The following KCNQ3 variants were observed in gnomAD, a reference collection of about 807,000 sequenced individuals.
KCNQ3 encodes potassium voltage-gated channel subfamily Q member 3.
In KCNQ3, 30 loss-of-function variants were observed where a neutral mutation model predicts 92.5. The ratio of observed to expected loss-of-function variants is 0.32; its 90% CI spans 0.24 to 0.44. The LOEUF is 0.44. Ranked by LOEUF, KCNQ3 falls within the 20% of genes least tolerant of loss-of-function variation. The probability of loss-of-function intolerance (pLI) is 1.00; values close to 1 mark genes in which losing one functional copy is unlikely to be tolerated. For synonymous variants in KCNQ3, 450 were observed against 468.8 expected, an observed-to-expected ratio of 0.96 and a Z score of 0.52; for missense variants, 913 against 1,140.3, an observed-to-expected ratio of 0.80 and a Z score of 2.87.
intron 1 of KCNQ3, among the ~76,000 whole-genome samples, chr8:132,255,731 G>A (rs1249208554): frequency 6.6e-6 from 1 of 152,156 alleles, no homozygotes; most frequent in Non-Finnish European, 1.5e-5. Flanking sequence ...AGGAATTTAA[G>A]ACAATTCCTG....
chr8:132,437,153 C>T (rs565835796), intron 1 of KCNQ3, among the ~76,000 whole-genome samples: 289 of 151,842 alleles, frequency 1.9e-3, no homozygotes, highest in Non-Finnish European at 3.1e-3. Context: ...GTGGCGGGCA[C>T]CTGTAGTCCC....
At chr8:132,262,400 A>C (rs1040540493) in intron 1 of KCNQ3, among the ~76,000 whole-genome samples, 1 of 152,334 alleles carries the variant, frequency 6.6e-6, no homozygotes, top group East Asian at 1.9e-4. Flanking sequence ...ATCTCAATAA[A>C]GATGTAAAAA....
At chr8:132,155,831 G>A (rs2130038908) in intron 9 of KCNQ3, among the ~76,000 whole-genome samples, 1 of 152,264 alleles carries the variant, frequency 6.6e-6, no homozygotes, top group South Asian at 2.1e-4. Context: ...CTGGGGAAGG[G>A]GAAGGACAGA....
intron 1 of KCNQ3, among the ~76,000 whole-genome samples, chr8:132,293,095 C>T (rs1000151681): frequency 6.6e-6 from 1 of 152,164 alleles, no homozygotes; most frequent in Non-Finnish European, 1.5e-5. Context: ...GGCGGTGCAT[C>T]CAGGGAGGGC....
chr8:132,316,860 T>C (rs1053734996), intron 1 of KCNQ3, among the ~76,000 whole-genome samples: 1 of 152,220 alleles, frequency 6.6e-6, no homozygotes, highest in African/African-American at 2.4e-5. Flanking sequence ...CACTTTTGGT[T>C]TTCAGCATGT....
At chr8:132,170,887 C>G (rs1294501089) in intron 7 of KCNQ3, among the ~76,000 whole-genome samples, 1 of 150,656 alleles carries the variant, frequency 6.6e-6, no homozygotes, top group Non-Finnish European at 1.5e-5. Context: ...GGCTTGGTGG[C>G]ACGTGCCTGT....
At chr8:132,312,954 C>G (rs1489145597) in intron 1 of KCNQ3, among the ~76,000 whole-genome samples, 3 of 152,204 alleles carry the variant, frequency 2.0e-5, no homozygotes, top group Non-Finnish European at 4.4e-5. Context: ...CTCCCACCAC[C>G]ATTCATCAAA....
intron 9 of KCNQ3, among the ~76,000 whole-genome samples, chr8:132,160,007 C>T (rs1825935124): frequency 6.6e-6 from 1 of 152,152 alleles, no homozygotes. Flanking sequence ...AAGAGCTTAG[C>T]CCCTTGGAGG....
At chr8:132,144,116 T>A (rs1825381389) in intron 9 of KCNQ3, among the ~76,000 whole-genome samples, 1 of 152,250 alleles carries the variant, frequency 6.6e-6, no homozygotes, top group Non-Finnish European at 1.5e-5. Flanking sequence ...GATATTTAAA[T>A]GCTTCACTGC....
chr8:132,467,503 GGA>G (rs1822200713), intron 1 of KCNQ3, among the ~76,000 whole-genome samples: 1 of 152,120 alleles, frequency 6.6e-6, no homozygotes, highest in South Asian at 2.1e-4. Context: ...GAACTAGATG[GGA>G]GGCAGGGGAA....
At position 132,278,354 on chromosome 8, in the gene KCNQ3, A is replaced by G. The variant is rs1463322679; in HGVS notation, c.387-92173T>C. The G allele has an allele frequency of 1.3e-5, 4 of 309,524 alleles. No homozygotes were observed. In the Admixed American group the frequency reaches 1.9e-4, roughly 15 times the overall value. 19.2% of individuals were successfully genotyped at this position (309,524 alleles called of 1,614,324 possible). A position where few individuals can be genotyped will look rare whatever the true frequency, so the allele number is the denominator to read the frequency against. On this transcript the variant is annotated intron_variant, in intron 1 of 14. Transcript: ENST00000388996. ...AGAAAGAAACAAGATTAATCCCACAATCAGCATTGTCCTCAAGGAAACATC... is the reference window on the plus strand; with the variant it reads ...AGAAAGAAACAAGATTAATCCCACAGTCAGCATTGTCCTCAAGGAAACATC...
At chr8:132,300,052 G>A (rs1817166288) in intron 1 of KCNQ3, among the ~76,000 whole-genome samples, 1 of 152,168 alleles carries the variant, frequency 6.6e-6, no homozygotes, top group South Asian at 2.1e-4. Flanking sequence ...CCTGACTGAG[G>A]ACAAGGATTA....
chr8:132,318,162 G>A (rs1817794835), intron 1 of KCNQ3, among the ~76,000 whole-genome samples: 2 of 152,212 alleles, frequency 1.3e-5, no homozygotes. Context: ...ACCTATTTAT[G>A]AGGGAGTCTG....
intron 1 of KCNQ3, among the ~76,000 whole-genome samples, chr8:132,332,448 T>C (rs1038383664): frequency 3.3e-5 from 5 of 152,228 alleles, no homozygotes; most frequent in African/African-American, 1.2e-4. Flanking sequence ...ATCCAAACTG[T>C]GCCACCTCTA....
intron 14 of KCNQ3, 77 bp downstream of exon 14, chr8:132,132,103 A>T: frequency 9.6e-7 from 1 of 1,044,148 alleles, no homozygotes; most frequent in East Asian, 2.5e-5. Flanking sequence ...AAAAAAAGAA[A>T]GAAAGAAAAA....
At chr8:132,320,164 G>A (rs1278972561) in intron 1 of KCNQ3, among the ~76,000 whole-genome samples, 2 of 152,168 alleles carry the variant, frequency 1.3e-5, no homozygotes, top group African/African-American at 2.4e-5. Context: ...AGTTTCTAGA[G>A]GATTTTCATG....
intron 1 of KCNQ3, among the ~76,000 whole-genome samples, chr8:132,455,764 CAG>C (rs1249106164): frequency 1.3e-5 from 2 of 152,152 alleles, no homozygotes; most frequent in African/African-American, 4.8e-5. Context: ...TTGTTTGAGA[CAG>C]AGTCTCGCTC....
intron 1 of KCNQ3, among the ~76,000 whole-genome samples, chr8:132,214,840 G>A (rs1017269930): frequency 6.6e-6 from 1 of 152,220 alleles, no homozygotes; most frequent in African/African-American, 2.4e-5. Context: ...TTTGGCACCT[G>A]GGGCATTGCC....
chr8:132,343,674 G>C (rs1213841999), intron 1 of KCNQ3, among the ~76,000 whole-genome samples: 1 of 152,042 alleles, frequency 6.6e-6, no homozygotes, highest in Non-Finnish European at 1.5e-5. Context: ...CCAATGAGAG[G>C]TTTGTTTTCC....
Sources: gnomAD v4.1 joint callset for allele counts (sites outside exome capture counted in the v4.1 genomes callset) on GRCh38, gnomAD v4.1.1 for gene constraint, MANE v1.5 for transcripts, NCBI Gene and HGNC (gene_info 2026-07-23, HGNC 2026-07-21) for gene names.